The following EFL1 variants were observed in gnomAD, a reference collection of about 807,000 sequenced individuals.
EFL1 encodes the protein elongation factor-like GTPase 1.
A neutral mutation model predicts 126.7 loss-of-function variants in EFL1; 76 were observed. The observed-to-expected ratio is 0.60, with a 90% CI of 0.50 to 0.73. The LOEUF is 0.73. EFL1 is among the 30% of genes least tolerant of loss of function. The pLI, the probability that EFL1 is intolerant of heterozygous loss-of-function variation, is 0.00. For synonymous variants in EFL1, 410 were observed against 448.4 expected (o/e 0.91, Z 1.08); for missense variants, 1,128 against 1,343.2 (o/e 0.84, Z 2.50).
intron 18 of EFL1, among the ~76,000 whole-genome samples, chr15:82,143,592 G>C (rs1315174995): frequency 6.6e-6 from 1 of 152,218 alleles, no homozygotes; most frequent in African/African-American, 2.4e-5. Context: ...ATACAGATGG[G>C]CTTCAATCAA....
chr15:82,235,485 A>G (rs1281206657), intron 7 of EFL1, among the ~76,000 whole-genome samples: 1 of 152,198 alleles, frequency 6.6e-6, no homozygotes, highest in Non-Finnish European at 1.5e-5. Flanking sequence ...GAATAAAGTT[A>G]AAGTTAAAAA....
chr15:82,133,793 G>C (rs1350056927), intron 19 of EFL1, among the ~76,000 whole-genome samples: 1 of 152,216 alleles, frequency 6.6e-6, no homozygotes, highest in Non-Finnish European at 1.5e-5. Flanking sequence ...TGGGAGGACA[G>C]GGTGAGAGGG....
chr15:82,213,702 T>C (rs2074612678), intron 15 of EFL1, among the ~76,000 whole-genome samples: 1 of 152,198 alleles, frequency 6.6e-6, no homozygotes, highest in African/African-American at 2.4e-5. Flanking sequence ...TGAACAAAAG[T>C]AGGGTGTTTT....
At chr15:82,255,387 T>G (rs976640239) in intron 3 of EFL1, among the ~76,000 whole-genome samples, 3 of 152,222 alleles carry the variant, frequency 2.0e-5, no homozygotes, top group Non-Finnish European at 4.4e-5. Flanking sequence ...AGGAGTTATT[T>G]ATAGTCTCTG....
In EFL1 at chr15:82,249,006, TCA is replaced by T. The variant is rs61277938; in HGVS notation, c.244+3683_244+3684del. ...GGAGAAATAAAGTTAGATAGTTACC[TCA>T]CAGTGTGTGCATACACATACAACTT... On this transcript the variant is annotated intron_variant, in intron 4 of 19. Transcript: ENST00000268206. Among the ~76,000 whole-genome samples the T allele has an allele frequency of 6.9e-3, 1,054 of 152,168 alleles. 11 individuals are homozygous for T. The highest frequency in any genetic ancestry group is 8.2e-3 in the Non-Finnish European group (556 of 68,026).
At chr15:82,161,854 A>G (rs1462334417) in intron 16 of EFL1, among the ~76,000 whole-genome samples, 1 of 152,132 alleles carries the variant, frequency 6.6e-6, no homozygotes. Context: ...CCTTCATCTC[A>G]TGTAGCCAGT....
chr15:82,237,746 GAAAAA>G (rs201310269), intron 7 of EFL1, among the ~76,000 whole-genome samples: 1 of 137,174 alleles, frequency 7.3e-6, no homozygotes, highest in Non-Finnish European at 1.6e-5. Flanking sequence ...GCCCAAAAAG[GAAAAA>G]AAAAAAAAAC....
intron 18 of EFL1, among the ~76,000 whole-genome samples, chr15:82,146,252 T>C (rs1276183962): frequency 6.6e-6 from 1 of 152,038 alleles, no homozygotes; most frequent in Non-Finnish European, 1.5e-5. Context: ...AACTAACTTT[T>C]AAAAAAAGAC....
intron 15 of EFL1, among the ~76,000 whole-genome samples, chr15:82,208,020 C>G (rs1332841592): frequency 6.6e-6 from 1 of 152,136 alleles, no homozygotes; most frequent in African/African-American, 2.4e-5. Flanking sequence ...GGCACACAGC[C>G]TTATCTGCAT....
rs1185383961 is a variant in EFL1, at chr15:82,130,488, G to A, written c.3248C>T (p.Ser1083Phe). 1 of 1,614,032 alleles carries A rather than the reference G, an allele frequency of 6.2e-7. No individual in the cohort carries two copies. The highest frequency in any genetic ancestry group is 8.5e-7 in the Non-Finnish European group (1 of 1,180,038). The change falls in exon 20 of 20, where the codon TCT becomes TTT. Residue 1083 changes from serine (S) to phenylalanine (F), a missense_variant. Coordinates refer to ENST00000268206, the MANE Select transcript of EFL1 (RefSeq NM_024580.6). ...CATGTACTTCCGGGCTTGGTTCTCA[G>A]AGTCAGCCTTCTCCCCAAAGTGCAA... ...EYLHFGEKAD[S>F]ENQARKYMNA...
chr15:82,148,707 A>G (rs1012926236), intron 18 of EFL1, among the ~76,000 whole-genome samples: 1 of 152,198 alleles, frequency 6.6e-6, no homozygotes, highest in African/African-American at 2.4e-5. Context: ...GACCAGAATT[A>G]TATCTCACCA....
intron 15 of EFL1, among the ~76,000 whole-genome samples, chr15:82,198,079 G>A (rs897351189): frequency 9.9e-5 from 15 of 152,168 alleles, no homozygotes; most frequent in Non-Finnish European, 1.6e-4. Flanking sequence ...CAGGCTACAC[G>A]TTTTACACAT....
intron 15 of EFL1, among the ~76,000 whole-genome samples, chr15:82,171,740 A>G (rs2074137773): frequency 6.6e-6 from 1 of 152,194 alleles, no homozygotes; most frequent in Non-Finnish European, 1.5e-5. Flanking sequence ...GAGGTTGGAT[A>G]AAAAACTACC....
intron 15 of EFL1, among the ~76,000 whole-genome samples, chr15:82,184,699 G>A (rs1162456858): frequency 2.0e-5 from 3 of 152,128 alleles, no homozygotes; most frequent in Non-Finnish European, 2.9e-5. Context: ...ATGTTATTTT[G>A]GGAATTTTCC....
At chr15:82,225,707 G>A (rs1567070591) in intron 11 of EFL1, among the ~76,000 whole-genome samples, 1 of 152,078 alleles carries the variant, frequency 6.6e-6, no homozygotes, top group Non-Finnish European at 1.5e-5. Flanking sequence ...ACAATAACAA[G>A]TTAGAAAATA....
At chr15:82,207,307 T>TATATATACACAC (rs141904056) in intron 15 of EFL1, among the ~76,000 whole-genome samples, 1,533 of 145,360 alleles carry the variant, frequency 0.011, 13 homozygotes, top group African/African-American at 0.023. Context: ...TATATATATA[T>TATATATACACAC]ACACACACAC....
intron 15 of EFL1, among the ~76,000 whole-genome samples, chr15:82,196,999 T>G (rs2141277287): frequency 6.7e-6 from 1 of 148,834 alleles, no homozygotes; most frequent in South Asian, 2.1e-4. Context: ...ACCATTGCAC[T>G]CCAGCTTGGG....
At position 82,138,765 on chromosome 15, in the gene EFL1, T is replaced by C. The variant is rs937289475; in HGVS notation, c.3067A>G (p.Ile1023Val). 1.2e-6 allele frequency: 2 copies of C among 1,614,082 alleles called. No individual in the cohort carries two copies. The highest frequency in any genetic ancestry group is 3.3e-5 in the Admixed American group (2 of 60,020). Reference protein sequence around the residue: ...EEMKEGTDMFIIKAVLPVAES... With the variant: ...EEMKEGTDMFVIKAVLPVAES... ...GCAACAGGCAGCACAGCCTTGATGA[T>C]GAACATGTCTGTCCCTTCTTTCATT... Residue 1023 changes from isoleucine (I) to valine (V), a missense_variant, in exon 19 of 20, where the codon ATC becomes GTC. Coordinates refer to ENST00000268206, the MANE Select transcript of EFL1 (RefSeq NM_024580.6).
chr15:82,204,862 A>G (rs1198657211), intron 15 of EFL1, among the ~76,000 whole-genome samples: 1 of 152,234 alleles, frequency 6.6e-6, no homozygotes, highest in Non-Finnish European at 1.5e-5. Context: ...CTCACGAAGT[A>G]TGTTTCCAGC....
Sources: gnomAD v4.1 joint callset for allele counts (sites outside exome capture counted in the v4.1 genomes callset) on GRCh38, gnomAD v4.1.1 for gene constraint, MANE v1.5 for transcripts, NCBI Gene and HGNC (gene_info 2026-07-23, HGNC 2026-07-21) for gene names.